LNP1: variants seen among roughly 807,000 people sequenced by gnomAD.
LNP1 encodes the protein leukemia NUP98 fusion partner 1.
Under a neutral mutation model 14.5 loss-of-function variants are expected in LNP1, and 12 were observed. The ratio of observed to expected loss-of-function variants is 0.83; its 90% CI spans 0.53 to 1.34. The LOEUF (loss-of-function observed/expected upper bound fraction) is 1.34, where lower values mean the gene tolerates loss of function less well. LNP1 is among the 40% of genes most tolerant of loss of function. LNP1 has a pLI of 0.00. For synonymous variants in LNP1, 75 were observed against 71.4 expected, an observed-to-expected ratio of 1.05 and a Z score of -0.26; for missense variants, 198 against 210.9, an observed-to-expected ratio of 0.94 and a Z score of 0.38.
rs951820342 is a variant in LNP1 at position 100,431,636 on chromosome 3, A to G, written c.156+1751A>G. 2.6e-5 allele frequency among the ~76,000 whole-genome samples: 4 copies of G among 152,064 alleles called. No homozygotes were observed. The South Asian group carries it at 8.3e-4, about 32-fold the overall frequency. ...TAATTCTTCATTCTTTGTCTACATA[A>G]TGCTGTATATGTATAAGTGAATCTA... On this transcript the variant is annotated intron_variant, in intron 2 of 3. Coordinates refer to ENST00000383693, the MANE Select transcript of LNP1 (RefSeq NM_001085451.2).
chr3:100,446,233 T>A (rs1559846361), intron 2 of LNP1, among the ~76,000 whole-genome samples: 1 of 152,114 alleles, frequency 6.6e-6, no homozygotes, highest in African/African-American at 2.4e-5. Flanking sequence ...AACAGCATGG[T>A]ACTTGTACCA....
At position 100,439,657 on chromosome 3, in the gene LNP1, C is replaced by G. The variant is rs538109356; in HGVS notation, c.156+9772C>G. Among the ~76,000 whole-genome samples the G allele has an allele frequency of 2.6e-5, 4 of 152,248 alleles. No individual in the cohort carries two copies. The South Asian group carries it at 8.3e-4, about 32-fold the overall frequency. On this transcript the variant is annotated intron_variant, in intron 2 of 3. Coordinates refer to ENST00000383693, the MANE Select transcript of LNP1 (RefSeq NM_001085451.2). ...ATAGTTTTACCCCGTTCTACCTTCT[C>G]ATTGCACCTTGAACTTCCCCTTTAT...
intron 1 of LNP1, among the ~76,000 whole-genome samples, chr3:100,404,513 A>G (rs1388697404): frequency 6.6e-6 from 1 of 152,220 alleles, no homozygotes; most frequent in Admixed American, 6.5e-5. Context: ...ACCATATTGG[A>G]CAGCACAGCT....
intron 3 of LNP1, among the ~76,000 whole-genome samples, chr3:100,452,600 C>G (rs199657279): frequency 1.4e-4 from 21 of 152,212 alleles, no homozygotes; most frequent in African/African-American, 4.6e-4. Flanking sequence ...AAAAACTGCC[C>G]CATGGCTTCT....
At chr3:100,430,906 A>T (rs906032091) in intron 2 of LNP1, among the ~76,000 whole-genome samples, 1 of 152,234 alleles carries the variant, frequency 6.6e-6, no homozygotes, top group East Asian at 1.9e-4. Context: ...ACAAAGGGCA[A>T]TCGTCAACCC....
chr3:100,425,126 G>A (rs565528597), intron 1 of LNP1, among the ~76,000 whole-genome samples: 6 of 152,116 alleles, frequency 3.9e-5, no homozygotes, highest in Non-Finnish European at 7.4e-5. Context: ...TACACAGGAA[G>A]GACAATCCCA....
chr3:100,417,146 A>G (rs1707092282), intron 1 of LNP1, among the ~76,000 whole-genome samples: 1 of 151,924 alleles, frequency 6.6e-6, no homozygotes, highest in Admixed American at 6.6e-5. Flanking sequence ...CTTGGCCATA[A>G]AACATTGCTG....
chr3:100,415,821 C>T (rs1707078155), intron 1 of LNP1, among the ~76,000 whole-genome samples: 1 of 152,214 alleles, frequency 6.6e-6, no homozygotes, highest in Admixed American at 6.5e-5. Context: ...TTGCCACCAC[C>T]TTAGAAGCTT....
At chr3:100,412,327 C>G (rs1210947876) in intron 1 of LNP1, among the ~76,000 whole-genome samples, 2 of 152,314 alleles carry the variant, frequency 1.3e-5, no homozygotes, top group East Asian at 3.9e-4. Context: ...GGATCCACCC[C>G]GTTGACCTGA....
At chr3:100,421,798 A>G (rs1208472077) in intron 1 of LNP1, among the ~76,000 whole-genome samples, 1 of 152,218 alleles carries the variant, frequency 6.6e-6, no homozygotes, top group East Asian at 1.9e-4. Flanking sequence ...TCCTGCTAAT[A>G]ACATGTGATA....
At chr3:100,417,581 G>A (rs892671485) in intron 1 of LNP1, among the ~76,000 whole-genome samples, 4 of 151,684 alleles carry the variant, frequency 2.6e-5, no homozygotes, top group Admixed American at 2.0e-4. Flanking sequence ...GTTTCACCAT[G>A]TTGGTCAGGC....
intron 3 of LNP1, 110 bp from the exon 4 acceptor site, chr3:100,455,667 G>C (rs1219313319): frequency 1.5e-5 from 15 of 1,004,794 alleles, no homozygotes; most frequent in Admixed American, 2.2e-5. Context: ...ACCAAGAGGT[G>C]GAAGTCTGCT....
chr3:100,410,855 G>A (rs1707025469), intron 1 of LNP1, among the ~76,000 whole-genome samples: 2 of 152,334 alleles, frequency 1.3e-5, no homozygotes, highest in African/African-American at 4.8e-5. Flanking sequence ...GAAATCCTCA[G>A]GGCTGCCAGT....
Position 100,451,748 on chromosome 3 carries a change from T to G in LNP1, c.186T>G (p.Ser62=). The G allele has an allele frequency of 3.1e-6, 5 of 1,611,576 alleles. No homozygotes were observed. The South Asian group carries it at 5.5e-5, about 18-fold the overall frequency. The change falls in exon 3 of 4, where the codon TCT becomes TCG. Residue 62 remains serine (S), a synonymous_variant. Coordinates refer to ENST00000383693, the MANE Select transcript of LNP1 (RefSeq NM_001085451.2). ...PLPVLPRIPS[S]DCHPRRHSHE... Reference sequence around the variant, plus strand: ...CTGTGCTTCCCAGAATTCCATCATCTGACTGCCATCCTAGAAGGCATTCTC... The same window carrying G: ...CTGTGCTTCCCAGAATTCCATCATCGGACTGCCATCCTAGAAGGCATTCTC...
intron 2 of LNP1, among the ~76,000 whole-genome samples, chr3:100,445,859 A>G (rs913586658): frequency 6.6e-6 from 1 of 152,220 alleles, no homozygotes; most frequent in Admixed American, 6.5e-5. Flanking sequence ...ATTGCTATAA[A>G]GAGAATAAAA....
At chr3:100,420,636 A>G (rs773206771) in intron 1 of LNP1, among the ~76,000 whole-genome samples, 2 of 151,956 alleles carry the variant, frequency 1.3e-5, no homozygotes, top group Non-Finnish European at 2.9e-5. Flanking sequence ...TGATTGGATT[A>G]TGTGTTCTCT....
chr3:100,405,385 T>C (rs1313912159), intron 1 of LNP1, among the ~76,000 whole-genome samples: 1 of 152,204 alleles, frequency 6.6e-6, no homozygotes, highest in African/African-American at 2.4e-5. Context: ...ACTCAATAAA[T>C]AGTTTCTTCC....
chr3:100,439,314 C>T (rs1444402993), intron 2 of LNP1, among the ~76,000 whole-genome samples: 15 of 151,952 alleles, frequency 9.9e-5, no homozygotes, highest in Admixed American at 9.8e-4. Flanking sequence ...CAATAGCACA[C>T]CACAGAGAAA....
In LNP1 at chr3:100,429,724, C is replaced by T. The variant is rs369246624; in HGVS notation, c.-6C>T. On this transcript the variant is annotated 5_prime_UTR_variant, in exon 2 of 4. Coordinates refer to ENST00000383693, the MANE Select transcript of LNP1 (RefSeq NM_001085451.2). ...ACAGGCCTTCAGTATTTGGCATCAC[C>T]TTTACATGGAGCACAAAGATGATGA... The T allele has an allele frequency of 1.5e-5, 25 of 1,613,340 alleles. No individual in the cohort carries two copies. The African/African-American group carries it at 3.2e-4, about 21-fold the overall frequency.
Sources: gnomAD v4.1 joint callset for allele counts (sites outside exome capture counted in the v4.1 genomes callset) on GRCh38, gnomAD v4.1.1 for gene constraint, MANE v1.5 for transcripts, NCBI Gene and HGNC (gene_info 2026-07-23, HGNC 2026-07-21) for gene names.